The following CNTN6 variants were observed in gnomAD, a reference collection of about 807,000 sequenced individuals.
CNTN6 encodes the protein contactin-6.
CNTN6 carries 137 observed loss-of-function variants against 122.8 expected under a neutral mutation model. That is an observed-to-expected ratio of 1.12 (90% CI 0.97 to 1.29). The LOEUF (loss-of-function observed/expected upper bound fraction) is 1.29, where lower values mean the gene tolerates loss of function less well. Ranked by LOEUF, CNTN6 falls within the 50% of genes most tolerant of loss-of-function variation. The pLI is 0.00. For synonymous variants in CNTN6, 570 were observed against 426.0 expected (o/e 1.34, Z -4.16); for missense variants, 1,634 against 1,223.4 (o/e 1.34, Z -5.01).
At chr3:1,254,436 A>G (rs1012434741) in intron 4 of CNTN6, among the ~76,000 whole-genome samples, 9 of 152,232 alleles carry the variant, frequency 5.9e-5, no homozygotes, top group African/African-American at 2.2e-4. Context: ...CTTCGTTTCA[A>G]CGAAGGAATG....
At chr3:1,158,061 A>G (rs775280879) in intron 2 of CNTN6, among the ~76,000 whole-genome samples, 3 of 152,152 alleles carry the variant, frequency 2.0e-5, no homozygotes, top group Non-Finnish European at 2.9e-5. Flanking sequence ...AGTCTTAGTT[A>G]CTGGATCATA....
Position 1,227,752 on chromosome 3 carries a change from GT to G in CNTN6, c.183-60del, listed in dbSNP as rs112210102. ...ATAGTTGCAGGAATTAGAACTACAT[GT>G]TTTTTAAGACAAAGATTGATTGACT... On this transcript the variant is annotated intron_variant, in intron 3 of 22. Coordinates refer to ENST00000446702, the MANE Select transcript of CNTN6 (RefSeq NM_001289080.2). 7,815 of 1,521,290 alleles carry G rather than the reference GT, an allele frequency of 5.1e-3. 286 individuals carry two copies. The African/African-American group carries it at 0.086, about 17-fold the overall frequency. The allele number at this position is 1,521,290 out of a possible 1,614,324, so 94.2% of individuals were successfully genotyped here. A position where few individuals can be genotyped will look rare whatever the true frequency, so the allele number is the denominator to read the frequency against.
intron 20 of CNTN6, 108 bp downstream of exon 20, chr3:1,385,905 A>G (rs1692829167): frequency 8.0e-6 from 9 of 1,119,802 alleles, no homozygotes; most frequent in Middle Eastern, 2.1e-4. Flanking sequence ...CTAATTGGTT[A>G]CTTTGGTTAG....
chr3:1,301,950 C>T (rs1697501409), intron 7 of CNTN6, among the ~76,000 whole-genome samples: 1 of 152,132 alleles, frequency 6.6e-6, no homozygotes, highest in Non-Finnish European at 1.5e-5. Context: ...TGCAAACATA[C>T]TGAAAATGCC....
At chr3:1,384,685 TATAC>T (rs1470149859) in intron 19 of CNTN6, among the ~76,000 whole-genome samples, 5,499 of 76,604 alleles carry the variant, frequency 0.072, 130 homozygotes, top group African/African-American at 0.12. Flanking sequence ...TATATATATA[TATAC>T]ACACACACAC....
chr3:1,250,539 C>T (rs895462569), intron 4 of CNTN6, among the ~76,000 whole-genome samples: 3 of 152,120 alleles, frequency 2.0e-5, no homozygotes, highest in Non-Finnish European at 2.9e-5. Flanking sequence ...TTGACATCAC[C>T]ATCTCTGCTT....
At chr3:1,287,490 C>T (rs932859639) in intron 5 of CNTN6, among the ~76,000 whole-genome samples, 1 of 152,094 alleles carries the variant, frequency 6.6e-6, no homozygotes, top group Non-Finnish European at 1.5e-5. Context: ...AAGTCTAGTC[C>T]TCATATATTT....
intron 1 of CNTN6, among the ~76,000 whole-genome samples, chr3:1,103,030 C>A (rs541474434): frequency 2.6e-5 from 4 of 151,370 alleles, no homozygotes; most frequent in African/African-American, 9.7e-5. Context: ...GGCGGGAACC[C>A]GGGAGGCGGA....
intron 4 of CNTN6, among the ~76,000 whole-genome samples, chr3:1,256,334 G>A (rs1411448237): frequency 6.6e-6 from 1 of 152,130 alleles, no homozygotes; most frequent in Non-Finnish European, 1.5e-5. Context: ...AGAAAACTGA[G>A]ATATGATTGA....
chr3:1,142,703 G>A (rs2092635421), intron 1 of CNTN6, among the ~76,000 whole-genome samples: 1 of 151,930 alleles, frequency 6.6e-6, no homozygotes, highest in Non-Finnish European at 1.5e-5. Flanking sequence ...AACAGCCATA[G>A]ACAATACATC....
intron 16 of CNTN6, among the ~76,000 whole-genome samples, chr3:1,374,525 A>G (rs1172047304): frequency 6.6e-6 from 1 of 152,036 alleles, no homozygotes; most frequent in Non-Finnish European, 1.5e-5. Context: ...ATTTTTTTCC[A>G]TGCAAATGAG....
chr3:1,259,527 T>C (rs1343110199), intron 4 of CNTN6, among the ~76,000 whole-genome samples: 1 of 152,132 alleles, frequency 6.6e-6, no homozygotes, highest in East Asian at 1.9e-4. Context: ...AATTTCTATT[T>C]TGGGAAGATT....
intron 11 of CNTN6, among the ~76,000 whole-genome samples, chr3:1,333,665 A>G (rs189899032): frequency 8.1e-4 from 124 of 152,248 alleles, no homozygotes; most frequent in African/African-American, 2.8e-3. Flanking sequence ...CCAATAAAGT[A>G]TAACTACCTA....
At position 1,401,383 on chromosome 3, in the gene CNTN6, G is replaced by T; in HGVS notation, c.2705-50G>T. On this transcript the variant is annotated intron_variant, in intron 20 of 22. Coordinates refer to ENST00000446702, the MANE Select transcript of CNTN6 (RefSeq NM_001289080.2). ...TTTTCATGTTGATGCATCATACTTTGACCATGAGCTAATTAACATTCATTT... is the reference window on the plus strand; with the variant it reads ...TTTTCATGTTGATGCATCATACTTTTACCATGAGCTAATTAACATTCATTT... The T allele has an allele frequency of 4.8e-6, 7 of 1,457,598 alleles. No homozygotes were observed. The South Asian group carries it at 8.2e-5, about 17-fold the overall frequency. The allele number at this position is 1,457,598 out of a possible 1,614,324, so 90.3% of individuals were successfully genotyped here.
intron 7 of CNTN6, among the ~76,000 whole-genome samples, chr3:1,310,568 C>T (rs2125922616): frequency 6.6e-6 from 1 of 152,252 alleles, no homozygotes; most frequent in Non-Finnish European, 1.5e-5. Flanking sequence ...TACTGGTCTG[C>T]AGTTTTACTT....
intron 2 of CNTN6, among the ~76,000 whole-genome samples, chr3:1,191,480 G>T (rs1183531820): frequency 6.6e-6 from 1 of 152,160 alleles, no homozygotes; most frequent in Non-Finnish European, 1.5e-5. Context: ...CCAGGTGGGT[G>T]GTGCACCCCA....
chr3:1,098,094 CGG>C (rs36051719), intron 1 of CNTN6, among the ~76,000 whole-genome samples: 26,344 of 122,498 alleles, frequency 0.22, 4,839 homozygotes, highest in African/African-American at 0.51. Context: ...GGTATATTTG[CGG>C]GGGGGGGAGG....
intron 1 of CNTN6, among the ~76,000 whole-genome samples, chr3:1,107,207 C>A (rs918989166): frequency 6.6e-6 from 1 of 152,024 alleles, no homozygotes; most frequent in African/African-American, 2.4e-5. Flanking sequence ...CACAATGATA[C>A]TAGTAAGAGA....
Position 1,278,430 on chromosome 3 carries a change from A to G in CNTN6, c.376A>G (p.Thr126Ala), listed in dbSNP as rs1275788862. 6.2e-7 allele frequency: 1 copy of G among 1,607,298 alleles called. No individual in the cohort carries two copies. Among genetic ancestry groups the G allele is most frequent in the Non-Finnish European group, 8.5e-7 (1 of 1,175,464 alleles). The stretch of plus-strand genomic sequence containing the variant: ...TTTCCAAGATATTGAAGACTTTGAA[A>G]CTAAAACAAGAAGCACAGTATCTGT... ...LQFAYIEDFE[T>A]KTRSTVSVRE... Residue 126 changes from threonine to alanine, a missense_variant, in exon 5 of 23, where the codon ACT becomes GCT. By Grantham distance (58) the Thr-to-Ala change is moderately conservative. Transcript: ENST00000446702.
Sources: gnomAD v4.1 joint callset for allele counts (sites outside exome capture counted in the v4.1 genomes callset) on GRCh38, gnomAD v4.1.1 for gene constraint, MANE v1.5 for transcripts, NCBI Gene and HGNC (gene_info 2026-07-23, HGNC 2026-07-21) for gene names.